The following CSMD1 variants were observed in gnomAD, a reference collection of about 807,000 sequenced individuals.
The protein encoded by CSMD1 is CUB and Sushi multiple domains 1.
A neutral mutation model predicts 417.5 loss-of-function variants in CSMD1; 213 were observed. That is an observed-to-expected ratio of 0.51 (90% CI 0.46 to 0.57). The LOEUF is 0.57. CSMD1 is among the 20% of genes least tolerant of loss of function. CSMD1 has a pLI of 0.00. For missense variants in CSMD1, 6,923 were observed against 4,529.7 expected (o/e 1.53, Z -15.17); for synonymous variants, 2,862 against 1,736.8 (o/e 1.65, Z -16.11).
chr8:4,738,818 C>G (rs1310289255), intron 1 of CSMD1, among the ~76,000 whole-genome samples: 5 of 151,798 alleles, frequency 3.3e-5, no homozygotes, highest in Non-Finnish European at 7.4e-5. Context: ...CTGAGTTCAA[C>G]TACAGATGGA....
At chr8:3,011,383 A>G (rs1808371143) in intron 52 of CSMD1, among the ~76,000 whole-genome samples, 1 of 146,176 alleles carries the variant, frequency 6.8e-6, no homozygotes, top group Non-Finnish European at 1.5e-5. Flanking sequence ...TATAAGCATT[A>G]TCATAATCAG....
chr8:3,806,752 G>T (rs1279199742), intron 5 of CSMD1, among the ~76,000 whole-genome samples: 1 of 152,262 alleles, frequency 6.6e-6, no homozygotes, highest in African/African-American at 2.4e-5. Context: ...TAACAATGAA[G>T]ACAAGTAATG....
intron 1 of CSMD1, among the ~76,000 whole-genome samples, chr8:4,678,418 A>AC (rs995612976): frequency 1.4e-4 from 21 of 151,930 alleles, no homozygotes; most frequent in African/African-American, 5.1e-4. Context: ...CTCAACAACA[A>AC]AAAAAAAGAA....
At chr8:4,917,382 C>T (rs940388615) in intron 1 of CSMD1, among the ~76,000 whole-genome samples, 2 of 152,192 alleles carry the variant, frequency 1.3e-5, no homozygotes, top group African/African-American at 2.4e-5. Flanking sequence ...CGCCTGTAAC[C>T]CCAGCACTTT....
At chr8:3,341,667 A>G (rs1807664791) in intron 23 of CSMD1, among the ~76,000 whole-genome samples, 1 of 152,196 alleles carries the variant, frequency 6.6e-6, no homozygotes, top group African/African-American at 2.4e-5. Context: ...AGGGAGCCAT[A>G]GCAGGGGCAG....
At chr8:4,442,045 G>T (rs778550069) in intron 2 of CSMD1, among the ~76,000 whole-genome samples, 2 of 152,052 alleles carry the variant, frequency 1.3e-5, no homozygotes, top group Admixed American at 6.6e-5. Flanking sequence ...AAGAGGTCTG[G>T]AAACCCATTT....
intron 25 of CSMD1, 139 bp downstream of exon 25, chr8:3,307,556 A>ACTT (rs1192432208): frequency 9.8e-7 from 1 of 1,017,290 alleles, no homozygotes. Flanking sequence ...AGCCAACAAA[A>ACTT]CTTTTAGCTA....
intron 2 of CSMD1, among the ~76,000 whole-genome samples, chr8:4,515,754 C>G (rs1803082287): frequency 6.6e-6 from 1 of 152,098 alleles, no homozygotes; most frequent in Admixed American, 6.5e-5. Flanking sequence ...TCTGGACGTG[C>G]TCTGCAACTC....
intron 2 of CSMD1, among the ~76,000 whole-genome samples, chr8:4,567,811 G>C (rs1798687414): frequency 6.6e-6 from 1 of 152,162 alleles, no homozygotes; most frequent in African/African-American, 2.4e-5. Context: ...AAAAAAGTGA[G>C]GCAGCATGAG....
intron 3 of CSMD1, among the ~76,000 whole-genome samples, chr8:4,112,136 G>C (rs1801889417): frequency 6.6e-6 from 1 of 152,200 alleles, no homozygotes; most frequent in Non-Finnish European, 1.5e-5. Context: ...CCCCTTCAAA[G>C]TGCTGGGCAT....
chr8:3,787,260 G>T (rs562500859), intron 5 of CSMD1, among the ~76,000 whole-genome samples: 4 of 152,138 alleles, frequency 2.6e-5, no homozygotes, highest in South Asian at 4.1e-4. Flanking sequence ...GAAAAAACTT[G>T]TGAGTTGTGA....
chr8:4,210,649 GA>G (rs555710728), intron 3 of CSMD1, among the ~76,000 whole-genome samples: 12 of 149,316 alleles, frequency 8.0e-5, no homozygotes, highest in South Asian at 4.2e-4. Context: ...AATTAGCCAA[GA>G]AAAAAAAACA....
At chr8:4,455,472 C>T (rs1422126262) in intron 2 of CSMD1, among the ~76,000 whole-genome samples, 1 of 152,142 alleles carries the variant, frequency 6.6e-6, no homozygotes, top group Non-Finnish European at 1.5e-5. Context: ...TGCTTGACAG[C>T]ACATCTAAGA....
chr8:4,880,372 A>G (rs1284966817), intron 1 of CSMD1, among the ~76,000 whole-genome samples: 1 of 152,054 alleles, frequency 6.6e-6, no homozygotes, highest in Non-Finnish European at 1.5e-5. Flanking sequence ...TGAACACACA[A>G]ACCACTTGTT....
intron 2 of CSMD1, among the ~76,000 whole-genome samples, chr8:4,583,879 A>G (rs1412477814): frequency 2.0e-5 from 3 of 152,036 alleles, no homozygotes; most frequent in East Asian, 1.9e-4. Context: ...ACTCTTTGCA[A>G]TAAATCTTGC....
At chr8:3,999,614 G>C (rs1314324365) in intron 4 of CSMD1, among the ~76,000 whole-genome samples, 1 of 152,154 alleles carries the variant, frequency 6.6e-6, no homozygotes, top group Non-Finnish European at 1.5e-5. Context: ...CACGGTTTTT[G>C]TTCCCGGAGT....
rs547315307 is a variant in CSMD1, at chr8:3,226,408, C to T, written c.4346-2541G>A. Among the ~76,000 whole-genome samples the T allele has an allele frequency of 2.8e-4, 42 of 152,052 alleles. No individual in the cohort carries two copies. In the South Asian group the frequency reaches 4.6e-3, roughly 17 times the overall value. On this transcript the variant is annotated intron_variant, in intron 27 of 69. Coordinates refer to ENST00000635120, the MANE Select transcript of CSMD1 (RefSeq NM_033225.6). ...GACCAGTCTGGCTAACATAGCAAAA[C>T]CTAGTCTCTACTAAAAATACAAAAA...
At position 3,926,070 on chromosome 8, in the gene CSMD1, AC is replaced by A. The variant is rs1369473500; in HGVS notation, c.818+71832del. Among the ~76,000 whole-genome samples the A allele has an allele frequency of 2.5e-4, 33 of 132,550 alleles. 1 individual carries two copies. Among genetic ancestry groups the A allele is most frequent in the African/African-American group, 9.8e-4 (33 of 33,630 alleles). The allele number at this position is 132,550 out of a possible 152,430, so 87.0% of individuals were successfully genotyped here. ...ACACCATATACACACACACACACAC[AC>A]ACAAACACCATACACACACACACAC... On this transcript the variant is annotated intron_variant, in intron 5 of 69. Transcript: ENST00000635120.
chr8:3,779,877 G>C (rs1196120264), intron 5 of CSMD1, among the ~76,000 whole-genome samples: 1 of 152,108 alleles, frequency 6.6e-6, no homozygotes, highest in Non-Finnish European at 1.5e-5. Context: ...TGAAAATTTA[G>C]TTTCATTTAT....
Sources: allele counts gnomAD v4.1 joint callset (sites outside exome capture counted in the v4.1 genomes callset), GRCh38; gene constraint gnomAD v4.1.1; transcripts MANE v1.5; gene names NCBI Gene and HGNC (gene_info 2026-07-23, HGNC 2026-07-21).